Variants in CADM2 observed in about 807,000 individuals in gnomAD.
CADM2 encodes the protein immunoglobulin superfamily member 4D.
CADM2 carries 12 observed loss-of-function variants against 49.8 expected under a neutral mutation model. The ratio of observed to expected loss-of-function variants is 0.24; its 90% CI spans 0.15 to 0.39. CADM2 has a LOEUF of 0.39. Ranked by LOEUF, CADM2 falls within the 10% of genes least tolerant of loss-of-function variation. CADM2 has a pLI of 1.00. For missense variants in CADM2, 378 were observed against 492.3 expected (o/e 0.77, Z 2.20); for synonymous variants, 214 against 175.4 (o/e 1.22, Z -1.74).
At chr3:85,206,691 G>C (rs992233509) in intron 1 of CADM2, among the ~76,000 whole-genome samples, 1 of 151,882 alleles carries the variant, frequency 6.6e-6, no homozygotes, top group Non-Finnish European at 1.5e-5. Flanking sequence ...AAGAAGTTAT[G>C]CTTTTCATTG....
chr3:85,734,318 CA>C (rs1559621282), intron 2 of CADM2, among the ~76,000 whole-genome samples: 1 of 151,826 alleles, frequency 6.6e-6, no homozygotes, highest in Non-Finnish European at 1.5e-5. Context: ...ATTCAATGCC[CA>C]AATAGGAGAA....
At chr3:85,871,495 A>T (rs1044400373) in intron 3 of CADM2, among the ~76,000 whole-genome samples, 3 of 152,136 alleles carry the variant, frequency 2.0e-5, no homozygotes, top group Admixed American at 2.0e-4. Flanking sequence ...CTGAACACTC[A>T]TCTGTGCTCA....
At chr3:86,043,262 T>C (rs141016922) in intron 8 of CADM2, among the ~76,000 whole-genome samples, 1 of 152,146 alleles carries the variant, frequency 6.6e-6, no homozygotes, top group African/African-American at 2.4e-5. Context: ...ATGAAGGGTA[T>C]TCAGTTAGGA....
At chr3:85,887,157 A>G (rs1713777964) in intron 5 of CADM2, among the ~76,000 whole-genome samples, 1 of 151,772 alleles carries the variant, frequency 6.6e-6, no homozygotes, top group Admixed American at 6.6e-5. Flanking sequence ...ATACGATCAT[A>G]GCTCACTGTA....
intron 8 of CADM2, among the ~76,000 whole-genome samples, chr3:85,999,276 G>GGC (rs1559791930): frequency 5.1e-4 from 77 of 151,112 alleles, no homozygotes; most frequent in African/African-American, 1.6e-3. Flanking sequence ...AGGGTTGGGG[G>GGC]GTGGATCACT....
chr3:85,305,011 C>G (rs1015956071), intron 1 of CADM2, among the ~76,000 whole-genome samples: 16 of 151,630 alleles, frequency 1.1e-4, no homozygotes, highest in African/African-American at 3.9e-4. Flanking sequence ...ATTACCATAG[C>G]AATTGACAGT....
intron 6 of CADM2, among the ~76,000 whole-genome samples, chr3:85,920,463 C>T (rs1385106922): frequency 6.6e-6 from 1 of 151,738 alleles, no homozygotes; most frequent in African/African-American, 2.4e-5. Flanking sequence ...GGTATATATG[C>T]TAGAATCATA....
chr3:85,762,288 T>A (rs1047904823), intron 2 of CADM2, among the ~76,000 whole-genome samples: 1 of 152,160 alleles, frequency 6.6e-6, no homozygotes, highest in Admixed American at 6.5e-5. Flanking sequence ...CCTACCTATC[T>A]TCTCCAGTGT....
At chr3:85,419,437 G>T (rs982405942) in intron 1 of CADM2, among the ~76,000 whole-genome samples, 1 of 146,354 alleles carries the variant, frequency 6.8e-6, no homozygotes, top group Non-Finnish European at 1.5e-5. Flanking sequence ...CAGCCTGGGC[G>T]ACAGAGCAAG....
chr3:85,367,943 A>G (rs927334241), intron 1 of CADM2, among the ~76,000 whole-genome samples: 5 of 152,048 alleles, frequency 3.3e-5, no homozygotes, highest in Non-Finnish European at 5.9e-5. Flanking sequence ...TGACCTTCTC[A>G]AAAGTATGGT....
chr3:85,899,981 T>G (rs1715885543), intron 5 of CADM2, among the ~76,000 whole-genome samples: 1 of 152,226 alleles, frequency 6.6e-6, no homozygotes, highest in African/African-American at 2.4e-5. Context: ...GCAAACTGAT[T>G]TTGCCTTCCA....
chr3:85,874,811 T>C (rs1711579013), intron 3 of CADM2, among the ~76,000 whole-genome samples: 1 of 152,154 alleles, frequency 6.6e-6, no homozygotes, highest in African/African-American at 2.4e-5. Flanking sequence ...TTGTAGGGGA[T>C]GGAGAGGAAA....
Position 85,435,987 on chromosome 3 carries a change from A to G in CADM2, c.62-290535A>G, listed in dbSNP as rs2326312. Among the ~76,000 whole-genome samples the G allele has an allele frequency of 8.6e-3, 1,311 of 152,156 alleles. 18 individuals carry two copies. Among genetic ancestry groups the G allele is most frequent in the African/African-American group, 0.03 (1,228 of 41,512 alleles). ...TTCTGTAAGTTGCCTGTTCACTCTG[A>G]TGATAGTTTCTTTTGCTGTTCAGAA... On this transcript the variant is annotated intron_variant, in intron 1 of 9. Coordinates refer to ENST00000383699, the MANE Select transcript of CADM2 (RefSeq NM_001167675.2).
intron 1 of CADM2, among the ~76,000 whole-genome samples, chr3:85,418,288 T>C (rs865880578): frequency 6.6e-6 from 1 of 152,208 alleles, no homozygotes; most frequent in Middle Eastern, 3.4e-3. Flanking sequence ...ACTATGAATT[T>C]TAGTTAATAA....
At chr3:85,091,020 A>T (rs185420690) in intron 1 of CADM2, among the ~76,000 whole-genome samples, 1 of 152,204 alleles carries the variant, frequency 6.6e-6, no homozygotes. Flanking sequence ...ACTAGCAGCC[A>T]GTTAACCTAG....
chr3:84,993,158 T>TG (rs2032984811), intron 1 of CADM2, among the ~76,000 whole-genome samples: 1 of 152,096 alleles, frequency 6.6e-6, no homozygotes, highest in Admixed American at 6.6e-5. Flanking sequence ...CCACTATTCT[T>TG]GGGGGTGGGC....
At chr3:85,135,041 G>C (rs951635262) in intron 1 of CADM2, among the ~76,000 whole-genome samples, 1 of 151,760 alleles carries the variant, frequency 6.6e-6, no homozygotes, top group Non-Finnish European at 1.5e-5. Flanking sequence ...AACAAAAAAA[G>C]CAATGTCTCT....
At chr3:85,546,077 G>C (rs544477919) in intron 1 of CADM2, among the ~76,000 whole-genome samples, 2 of 152,232 alleles carry the variant, frequency 1.3e-5, no homozygotes, top group South Asian at 2.1e-4. Context: ...TCCTCATACA[G>C]TAATACCTCT....
intron 1 of CADM2, among the ~76,000 whole-genome samples, chr3:85,075,892 C>T (rs2036923014): frequency 6.6e-6 from 1 of 152,108 alleles, no homozygotes; most frequent in Admixed American, 6.6e-5. Context: ...TAGATAACAA[C>T]ACTGAGTCAT....
Sources: gnomAD v4.1 joint callset for allele counts (sites outside exome capture counted in the v4.1 genomes callset) on GRCh38, gnomAD v4.1.1 for gene constraint, MANE v1.5 for transcripts, NCBI Gene and HGNC (gene_info 2026-07-23, HGNC 2026-07-21) for gene names.